The following RFTN2 variants were observed in gnomAD, a reference collection of about 807,000 sequenced individuals.
The protein encoded by RFTN2 is raftlin-2.
A neutral mutation model predicts 52.7 loss-of-function variants in RFTN2; 34 were observed. The observed-to-expected ratio is 0.64, with a 90% CI of 0.49 to 0.86. The LOEUF (loss-of-function observed/expected upper bound fraction) is 0.86. Ranked by LOEUF, RFTN2 falls within the 40% of genes least tolerant of loss-of-function variation. The pLI, the probability that RFTN2 is intolerant of heterozygous loss-of-function variation, is 0.00. For synonymous variants in RFTN2, 203 were observed against 217.7 expected (o/e 0.93, Z 0.59); for missense variants, 536 against 600.1 (o/e 0.89, Z 1.12).
At chr2:197,634,021 G>A in intron 3 of RFTN2, 24 bp from the exon 4 acceptor site, 1 of 1,578,430 alleles carries the variant, frequency 6.3e-7, no homozygotes, top group Non-Finnish European at 8.6e-7. Context: ...AGAGATGGCA[G>A]AACAAAATGT....
chr2:197,593,242 A>G (rs2087745378), intron 8 of RFTN2, among the ~76,000 whole-genome samples: 1 of 152,160 alleles, frequency 6.6e-6, no homozygotes, highest in Admixed American at 6.6e-5. Flanking sequence ...GATAGTATCT[A>G]AAGCTAAACA....
rs1259124844 is a variant in RFTN2 at position 197,607,231 on chromosome 2, CA to C, written c.1154+8644del. 2.0e-5 allele frequency among the ~76,000 whole-genome samples: 3 copies of C among 151,862 alleles called. No homozygotes were observed. The South Asian group carries it at 6.2e-4, about 32-fold the overall frequency. ...CATTCTTAGCAAACTATTGCAAGGA[CA>C]AAAAACCAAACACCGCATGTTCTCA... On this transcript the variant is annotated intron_variant, in intron 7 of 8. Transcript: ENST00000295049.
At chr2:197,646,448 C>A in intron 2 of RFTN2, 35 bp downstream of exon 2, 1 of 1,556,560 alleles carries the variant, frequency 6.4e-7, no homozygotes, top group Non-Finnish European at 8.8e-7. Context: ...AGAACTGTCA[C>A]CCTCACCTGC....
chr2:197,583,177 C>G (rs888259156), intron 8 of RFTN2, among the ~76,000 whole-genome samples: 1 of 152,210 alleles, frequency 6.6e-6, no homozygotes, highest in African/African-American at 2.4e-5. Flanking sequence ...GTTCTATCTG[C>G]TATTCTACTA....
chr2:197,617,587 G>A (rs577288149), intron 6 of RFTN2, among the ~76,000 whole-genome samples: 8 of 151,968 alleles, frequency 5.3e-5, no homozygotes, highest in Non-Finnish European at 7.4e-5. Context: ...GGCTGAGGTT[G>A]GAGAATCACC....
chr2:197,630,418 AT>A (rs1212267848), intron 5 of RFTN2, among the ~76,000 whole-genome samples: 3 of 152,002 alleles, frequency 2.0e-5, no homozygotes, highest in Admixed American at 1.3e-4. Flanking sequence ...CTAGAAAGTC[AT>A]TTTTGATAAT....
chr2:197,590,090 C>T (rs754542169), intron 8 of RFTN2, among the ~76,000 whole-genome samples: 4 of 148,342 alleles, frequency 2.7e-5, no homozygotes, highest in Non-Finnish European at 5.9e-5. Flanking sequence ...GTATTTTTTG[C>T]AGACAGGGTT....
At chr2:197,638,157 A>G (rs1336211566) in intron 3 of RFTN2, among the ~76,000 whole-genome samples, 1 of 140,978 alleles carries the variant, frequency 7.1e-6, no homozygotes, top group Non-Finnish European at 1.6e-5. Context: ...CTTTACTTCC[A>G]ACTATGTGGT....
chr2:197,585,255 CCTCA>C (rs1418042239), intron 8 of RFTN2, among the ~76,000 whole-genome samples: 2 of 152,174 alleles, frequency 1.3e-5, no homozygotes, highest in African/African-American at 2.4e-5. Context: ...ATGCAATCAC[CCTCA>C]CTATTTGGAC....
rs186456819 is a variant in RFTN2, at chr2:197,578,410, T to G, written c.1234-6130A>C. Among the ~76,000 whole-genome samples the G allele has an allele frequency of 7.5e-4, 115 of 152,324 alleles. 1 individual carries two copies. Among genetic ancestry groups the G allele is most frequent in the African/African-American group, 2.6e-3 (109 of 41,566 alleles). ...TTCTTTTTTTACCACGTGACTGTTA[T>G]GTCAGGCCTCTGAGCCCAAGCCTGC... On this transcript the variant is annotated intron_variant, in intron 8 of 8. Transcript: ENST00000295049.
chr2:197,579,240 T>C (rs1336308930), intron 8 of RFTN2, among the ~76,000 whole-genome samples: 1 of 152,146 alleles, frequency 6.6e-6, no homozygotes, highest in Non-Finnish European at 1.5e-5. Flanking sequence ...AAGTACCACT[T>C]TCCCTGGGTG....
chr2:197,675,257 T>A (rs1470811111), intron 1 of RFTN2, 63 bp downstream of exon 1: 6 of 1,333,832 alleles, frequency 4.5e-6, no homozygotes, highest in Admixed American at 5.1e-5. Flanking sequence ...AAGTCAACAC[T>A]TAAAAATGAC....
intron 1 of RFTN2, among the ~76,000 whole-genome samples, chr2:197,653,595 T>C (rs964279554): frequency 6.6e-6 from 1 of 152,176 alleles, no homozygotes; most frequent in South Asian, 2.1e-4. Context: ...GAGATTTTTG[T>C]TCAACTTTAC....
intron 5 of RFTN2, among the ~76,000 whole-genome samples, chr2:197,625,476 G>A (rs1204747596): frequency 3.3e-5 from 5 of 152,064 alleles, no homozygotes; most frequent in African/African-American, 4.8e-5. Context: ...GTGGGCCCGG[G>A]AGCATCTTTG....
At chr2:197,611,125 C>T (rs1437311036) in intron 7 of RFTN2, among the ~76,000 whole-genome samples, 4 of 152,068 alleles carry the variant, frequency 2.6e-5, no homozygotes, top group African/African-American at 4.8e-5. Context: ...ATGCTGGCCT[C>T]AAAAATGAGT....
chr2:197,643,091 GTTATTA>G (rs2088698356), intron 3 of RFTN2, among the ~76,000 whole-genome samples: 1 of 151,990 alleles, frequency 6.6e-6, no homozygotes, highest in Non-Finnish European at 1.5e-5. Flanking sequence ...TTTTATTATT[GTTATTA>G]TTATTAGAGA....
At chr2:197,603,218 A>G (rs1435596770) in intron 7 of RFTN2, among the ~76,000 whole-genome samples, 8 of 152,148 alleles carry the variant, frequency 5.3e-5, no homozygotes, top group Non-Finnish European at 1.2e-4. Flanking sequence ...AATAATAAAA[A>G]AAGTCTCATA....
At chr2:197,584,918 G>C (rs1194895505) in intron 8 of RFTN2, among the ~76,000 whole-genome samples, 3 of 152,076 alleles carry the variant, frequency 2.0e-5, no homozygotes, top group Non-Finnish European at 1.5e-5. Context: ...AGACACCCTA[G>C]CTGGACGATC....
chr2:197,584,204 T>A (rs1407478186), intron 8 of RFTN2, among the ~76,000 whole-genome samples: 3 of 152,224 alleles, frequency 2.0e-5, no homozygotes, highest in African/African-American at 7.2e-5. Flanking sequence ...ATCGCCACAC[T>A]GTCTTCCACA....
Sources: allele counts gnomAD v4.1 joint callset (sites outside exome capture counted in the v4.1 genomes callset), GRCh38; gene constraint gnomAD v4.1.1; transcripts MANE v1.5; gene names NCBI Gene and HGNC (gene_info 2026-07-23, HGNC 2026-07-21).